The following KLHDC1 variants were observed in gnomAD, a reference collection of about 807,000 sequenced individuals.
The protein encoded by KLHDC1 is kelch domain-containing protein 1.
Under a neutral mutation model 68.3 loss-of-function variants are expected in KLHDC1, and 53 were observed. The ratio of observed to expected loss-of-function variants is 0.78; its 90% CI spans 0.62 to 0.98. The LOEUF is 0.98. KLHDC1 is among the 50% of genes least tolerant of loss of function. The probability of loss-of-function intolerance (pLI) is 0.00; values close to 1 mark genes in which losing one functional copy is unlikely to be tolerated. For missense variants in KLHDC1, 470 were observed against 492.3 expected (o/e 0.95, Z 0.43); for synonymous variants, 148 against 159.0 (o/e 0.93, Z 0.52).
At chr14:49,741,313 A>AT (rs532664095) in intron 11 of KLHDC1, among the ~76,000 whole-genome samples, 1,923 of 149,272 alleles carry the variant, frequency 0.013, 24 homozygotes, top group African/African-American at 0.042. Flanking sequence ...GTATATTATT[A>AT]TTTTTTTTTT....
chr14:49,751,836 C>T lies in KLHDC1; in HGVS notation c.*64C>T. 1 of 744,222 alleles carries T rather than the reference C, an allele frequency of 1.3e-6. No individual in the cohort carries two copies. Among genetic ancestry groups the T allele is most frequent in the Non-Finnish European group, 2.0e-6 (1 of 506,244 alleles). 46.1% of individuals were successfully genotyped at this position (744,222 alleles called of 1,614,324 possible). A position where few individuals can be genotyped will look rare whatever the true frequency, so the allele number is the denominator to read the frequency against. On this transcript the variant is annotated 3_prime_UTR_variant, in exon 13 of 13. Transcript: ENST00000359332. ...TTTAATCAGACTATACATTTACACT[C>T]CCAAATTGCAGGCTTTATTTAAAGG... is the stretch of plus-strand genomic sequence containing the variant.
At chr14:49,706,440 A>G (rs1235100458) in intron 1 of KLHDC1, among the ~76,000 whole-genome samples, 3 of 152,208 alleles carry the variant, frequency 2.0e-5, no homozygotes, top group Non-Finnish European at 4.4e-5. Flanking sequence ...TGCAACAAAC[A>G]TGGGAGTGCA....
intron 12 of KLHDC1, among the ~76,000 whole-genome samples, chr14:49,745,111 C>T (rs1355657287): frequency 2.0e-5 from 3 of 152,072 alleles, no homozygotes; most frequent in South Asian, 4.1e-4. Flanking sequence ...TAAGTGAAGA[C>T]ATATGAGAAA....
At chr14:49,726,507 C>G (rs1888674903) in intron 6 of KLHDC1, among the ~76,000 whole-genome samples, 1 of 152,202 alleles carries the variant, frequency 6.6e-6, no homozygotes, top group Non-Finnish European at 1.5e-5. Flanking sequence ...TCTTTACCCA[C>G]AAGTGTCATG....
intron 11 of KLHDC1, 102 bp from the exon 12 acceptor site, chr14:49,743,649 CCT>C: frequency 2.9e-6 from 2 of 688,044 alleles, no homozygotes; most frequent in South Asian, 3.8e-5. Flanking sequence ...TTATTTGCTG[CCT>C]TATACAATAT....
Position 49,693,182 on chromosome 14 carries a change from A to G in KLHDC1, c.-13A>G. The G allele has an allele frequency of 6.3e-7, 1 of 1,575,034 alleles. No homozygotes were observed. The highest frequency in any genetic ancestry group is 2.5e-5 in the East Asian group (1 of 39,318). On this transcript the variant is annotated 5_prime_UTR_variant, in exon 1 of 13. Coordinates refer to ENST00000359332, the MANE Select transcript of KLHDC1 (RefSeq NM_172193.3). The stretch of plus-strand genomic sequence containing the variant: ...GTTGTGGCGCGGCAAGCGGCGGGCC[A>G]GCGACGGCGCGAATGGCGGACTCTC...
intron 1 of KLHDC1, among the ~76,000 whole-genome samples, chr14:49,693,748 CTTT>C (rs1231129663): frequency 2.4e-4 from 15 of 61,556 alleles, no homozygotes; most frequent in South Asian, 1.0e-3. Flanking sequence ...TTTTCTTTTT[CTTT>C]TTTTTTTTTT....
At chr14:49,732,879 T>C in intron 9 of KLHDC1, 63 bp downstream of exon 9, 2 of 834,476 alleles carry the variant, frequency 2.4e-6, no homozygotes, top group Non-Finnish European at 4.0e-6. Context: ...TTGTATTTCA[T>C]ACTTACAGTG....
intron 4 of KLHDC1, among the ~76,000 whole-genome samples, chr14:49,711,690 T>C (rs1177233310): frequency 6.6e-6 from 1 of 152,082 alleles, no homozygotes; most frequent in Non-Finnish European, 1.5e-5. Context: ...TTTCTGGCCA[T>C]CAACTCTGTT....
At chr14:49,733,845 A>G (rs1888872221) in intron 9 of KLHDC1, among the ~76,000 whole-genome samples, 1 of 152,192 alleles carries the variant, frequency 6.6e-6, no homozygotes, top group South Asian at 2.1e-4. Context: ...TTTTTCAACA[A>G]AAGTTTATTG....
At chr14:49,737,864 C>CA (rs760826908) in intron 10 of KLHDC1, among the ~76,000 whole-genome samples, 6,683 of 49,596 alleles carry the variant, frequency 0.13, 473 homozygotes, top group Non-Finnish European at 0.17. Flanking sequence ...GATCCTGTCT[C>CA]AAAAAAAAAA....
rs1281895580 is a variant in KLHDC1, at chr14:49,753,057, T to G, written c.*1285T>G. ...GTAAAGCTTCTATGTATTGAAATAT[T>G]TTTTTACGTTTTATTTATTGTACAA... On this transcript the variant is annotated 3_prime_UTR_variant, in exon 13 of 13. Transcript: ENST00000359332. 1.3e-5 allele frequency: 2 copies of G among 152,122 alleles called. No homozygotes were observed. Among genetic ancestry groups the G allele is most frequent in the African/African-American group, 4.8e-5 (2 of 41,444 alleles). The allele number at this position is 152,122 out of a possible 1,614,324, so 9.4% of individuals were successfully genotyped here.
chr14:49,714,794 T>C (rs1888325768), intron 4 of KLHDC1, among the ~76,000 whole-genome samples: 1 of 149,946 alleles, frequency 6.7e-6, no homozygotes, highest in South Asian at 2.1e-4. Context: ...AAATGTATGG[T>C]ATATGTTATA....
In KLHDC1 at chr14:49,732,804, A is replaced by G. The variant is rs1455148570; in HGVS notation, c.811A>G (p.Asn271Asp). 10 of 1,489,476 alleles carry G rather than the reference A, an allele frequency of 6.7e-6. No individual in the cohort carries two copies. The highest frequency in any genetic ancestry group is 9.4e-6 in the Non-Finnish European group (10 of 1,067,502). The allele number at this position is 1,489,476 out of a possible 1,614,324, so 92.3% of individuals were successfully genotyped here. A position where few individuals can be genotyped will look rare whatever the true frequency, so the allele number is the denominator to read the frequency against. ...CCTATGTGGTGGACTAAGTGCAGAT[A>G]ATATCCCATTAAGTAAGTTGATTAA... ...LFLCGGLSAD[N>D]IPLSDGWIHN... The change falls in exon 9 of 13, where the codon AAT (asparagine) becomes GAT (aspartate). Residue 271 changes from asparagine (N) to aspartate (D), a missense_variant. Asn to Asp is a conservative substitution (Grantham distance 23). Transcript: ENST00000359332.
intron 1 of KLHDC1, among the ~76,000 whole-genome samples, chr14:49,707,220 CA>C (rs1488624845): frequency 6.7e-6 from 1 of 150,316 alleles, no homozygotes; most frequent in Non-Finnish European, 1.5e-5. Context: ...AAGACTCAGA[CA>C]TGAGTGTAAG....
At chr14:49,716,200 T>G (rs976933378) in intron 4 of KLHDC1, among the ~76,000 whole-genome samples, 2 of 152,214 alleles carry the variant, frequency 1.3e-5, no homozygotes, top group African/African-American at 4.8e-5. Context: ...GGCAATGACA[T>G]GTGTTTCTGT....
At chr14:49,736,284 G>A (rs1317008497) in intron 10 of KLHDC1, among the ~76,000 whole-genome samples, 1 of 152,180 alleles carries the variant, frequency 6.6e-6, no homozygotes, top group East Asian at 1.9e-4. Context: ...GATGTGTCAT[G>A]TAAATAATAT....
chr14:49,721,001 A>C (rs1002730370), intron 4 of KLHDC1, among the ~76,000 whole-genome samples: 6 of 152,158 alleles, frequency 3.9e-5, no homozygotes, highest in African/African-American at 1.4e-4. Context: ...TCTTTGCTGA[A>C]ATTACCCATT....
At chr14:49,731,136 C>T (rs867926291) in intron 8 of KLHDC1, among the ~76,000 whole-genome samples, 36 of 151,900 alleles carry the variant, frequency 2.4e-4, no homozygotes, top group Non-Finnish European at 3.1e-4. Flanking sequence ...AACAATTAGC[C>T]GGGTGTATTG....
Sources: allele counts gnomAD v4.1 joint callset (sites outside exome capture counted in the v4.1 genomes callset), GRCh38; gene constraint gnomAD v4.1.1; transcripts MANE v1.5; gene names NCBI Gene and HGNC (gene_info 2026-07-23, HGNC 2026-07-21).